Variants in SALL3 observed in about 807,000 individuals in gnomAD.
The protein encoded by SALL3 is spalt like transcription factor 3, also known as sal-like protein 3.
SALL3 carries 25 observed loss-of-function variants against 66.2 expected under a neutral mutation model. The observed-to-expected ratio is 0.38, with a 90% CI of 0.28 to 0.53. The LOEUF (loss-of-function observed/expected upper bound fraction) is 0.53, where lower values mean the gene tolerates loss of function less well. SALL3 is among the 20% of genes least tolerant of loss of function. SALL3 has a pLI of 0.85. For missense variants in SALL3, 2,194 were observed against 1,916.5 expected (o/e 1.14, Z -2.70); for synonymous variants, 1,152 against 899.1 (o/e 1.28, Z -5.03).
At chr18:78,984,752 T>C (rs1040912326) in intron 1 of SALL3, among the ~76,000 whole-genome samples, 7 of 152,220 alleles carry the variant, frequency 4.6e-5, no homozygotes, top group Admixed American at 1.3e-4. Context: ...ATATTAATTG[T>C]AATAAAATAA....
In SALL3 at chr18:78,993,458, C is replaced by T; in HGVS notation, c.1467C>T (p.Asp489=). Residue 489 remains aspartate (D), a synonymous_variant, in exon 2 of 3, where the codon GAC becomes GAT. Transcript: ENST00000537592. ...MNPYPVPEYL[D]NVPTCSGIPY... is the part of the protein sequence containing the mutation. The stretch of plus-strand genomic sequence containing the variant: ...CTTACCCGGTCCCCGAGTACCTGGA[C>T]AACGTGCCCACCTGCTCGGGCATCC... The T allele has an allele frequency of 6.2e-7, 1 of 1,612,966 alleles. No individual in the cohort carries two copies. The highest frequency in any genetic ancestry group is 8.5e-7 in the Non-Finnish European group (1 of 1,179,990).
intron 1 of SALL3, among the ~76,000 whole-genome samples, chr18:78,986,992 TC>T (rs1444851161): frequency 9.2e-5 from 14 of 152,206 alleles, no homozygotes; most frequent in Admixed American, 9.2e-4. Context: ...GTTATATATT[TC>T]ATACACAAAA....
chr18:78,984,955 CTTCGCA>C (rs1239046681), intron 1 of SALL3: 3 of 152,248 alleles, frequency 2.0e-5, no homozygotes, highest in Non-Finnish European at 4.4e-5. Flanking sequence ...TCCCTACCCC[CTTCGCA>C]TTCTCTGCGA....
In SALL3 at chr18:78,994,494, T is replaced by G. The variant is rs1395041500; in HGVS notation, c.2503T>G (p.Ser835Ala). The part of the protein sequence containing the change: ...YAGSCPPSPP[S>A]VISSIAALEN... ...GGGGTCCTGCCCGCCCTCCCCGCCCTCGGTCATCTCCAGCATTGCCGCCCT... is the reference window on the plus strand; with the variant it reads ...GGGGTCCTGCCCGCCCTCCCCGCCCGCGGTCATCTCCAGCATTGCCGCCCT... The change falls in exon 2 of 3, where the codon TCG becomes GCG. Residue 835 changes from serine to alanine, a missense_variant. By Grantham distance (99) the Ser-to-Ala change is moderately conservative. Coordinates refer to ENST00000537592, the MANE Select transcript of SALL3 (RefSeq NM_171999.4). 4 of 653,348 alleles carry G rather than the reference T, an allele frequency of 6.1e-6. No individual in the cohort carries two copies. Among genetic ancestry groups the G allele is most frequent in the Non-Finnish European group, 9.7e-6 (4 of 414,020 alleles). The allele number at this position is 653,348 out of a possible 1,614,324, so 40.5% of individuals were successfully genotyped here. A position where few individuals can be genotyped will look rare whatever the true frequency, so the allele number is the denominator to read the frequency against.
Position 78,992,200 on chromosome 18 carries a change from A to T in SALL3, c.209A>T (p.Gln70Leu). The T allele has an allele frequency of 1.2e-6, 2 of 1,610,182 alleles. No homozygotes were observed. The highest frequency in any genetic ancestry group is 1.7e-6 in the Non-Finnish European group (2 of 1,179,190). The stretch of plus-strand genomic sequence containing the variant: ...AAGTGGGCGGACTTCCTGGAGCACC[A>T]GCGGAGCTGCACCAAGCTCCCGCCC... The part of the protein sequence containing the change: ...FFKWADFLEH[Q>L]RSCTKLPPVL... The change falls in exon 2 of 3, where the codon CAG (glutamine) becomes CTG (leucine). Residue 70 changes from glutamine (Q) to leucine (L), a missense_variant. Physicochemically the swap from Gln to Leu is moderately radical, Grantham distance 113. Coordinates refer to ENST00000537592, the MANE Select transcript of SALL3 (RefSeq NM_171999.4).
At chr18:78,981,091 C>A (rs1369408326) in intron 1 of SALL3, among the ~76,000 whole-genome samples, 2 of 152,226 alleles carry the variant, frequency 1.3e-5, no homozygotes, top group Non-Finnish European at 2.9e-5. Context: ...GAGACCTCGG[C>A]TTTGCAGTCA....
In SALL3 at chr18:78,994,571, C is replaced by A. The variant is rs774562749; in HGVS notation, c.2580C>A (p.Thr860=). The A allele has an allele frequency of 2.1e-5, 34 of 1,611,734 alleles. No individual in the cohort carries two copies. The highest frequency in any genetic ancestry group is 2.9e-5 in the Non-Finnish European group (34 of 1,179,450). Residue 860 remains threonine (T), a synonymous_variant, in exon 2 of 3, where the codon ACC becomes ACA. Coordinates refer to ENST00000537592, the MANE Select transcript of SALL3 (RefSeq NM_171999.4). ...CGGTCATGAGCTGCCAGCAGCTGAC[C>A]GGCCTCAAGTCCGTGGAGAACGGGT... The part of the protein sequence containing the change: ...IDSVMSCQQL[T]GLKSVENGSG...
At position 78,997,636 on chromosome 18, in the gene SALL3, G is replaced by T; in HGVS notation, c.*314G>T. ...TCCTGAAACCTAATAATCTCTCCGA[G>T]GGAGAAAGGGGTTCTCTGCGGTATT... On this transcript the variant is annotated 3_prime_UTR_variant, in exon 3 of 3. Coordinates refer to ENST00000537592, the MANE Select transcript of SALL3 (RefSeq NM_171999.4). 2.6e-6 allele frequency: 1 copy of T among 380,750 alleles called. No individual in the cohort carries two copies. The highest frequency in any genetic ancestry group is 4.7e-6 in the Non-Finnish European group (1 of 212,914). The allele number at this position is 380,750 out of a possible 1,614,324, so 23.6% of individuals were successfully genotyped here. A position where few individuals can be genotyped will look rare whatever the true frequency, so the allele number is the denominator to read the frequency against.
chr18:78,992,549 C>A lies in SALL3; in HGVS notation c.558C>A (p.Arg186=). The A allele has an allele frequency of 6.7e-7, 1 of 1,497,988 alleles. No homozygotes were observed. Among genetic ancestry groups the A allele is most frequent in the Non-Finnish European group, 8.8e-7 (1 of 1,130,874 alleles). The allele number at this position is 1,497,988 out of a possible 1,614,324, so 92.8% of individuals were successfully genotyped here. The change falls in exon 2 of 3, where the codon CGC becomes CGA. Residue 186 remains arginine, a synonymous_variant. Coordinates refer to ENST00000537592, the MANE Select transcript of SALL3 (RefSeq NM_171999.4). ...TGGCGCAGTTCTCGCAGGGCGCGCG[C>A]GCGGCAGGCGGCTCGGGAGCAGGTG... The part of the protein sequence containing the change: ...VAVAQFSQGA[R]AAGGSGAGGG...
Position 78,993,701 on chromosome 18 carries a change from CAACCACGTGGAG to C in SALL3, c.1711_1722del (p.Asn571_Glu574del), listed in dbSNP as rs1914562598. 2 of 1,572,416 alleles carry C rather than the reference CAACCACGTGGAG, an allele frequency of 1.3e-6. No individual in the cohort carries two copies. Among genetic ancestry groups the C allele is most frequent in the East Asian group, 4.5e-5 (2 of 44,180 alleles). On this transcript the variant is annotated inframe_deletion, in exon 2 of 3. Coordinates refer to ENST00000537592, the MANE Select transcript of SALL3 (RefSeq NM_171999.4). ...AGTGCGCCTCCTTGTCCCCAGGCCT[CAACCACGTGGAG>C]TCCGGCGTGTCGGCCACCGCCGAGT...
chr18:78,997,675 T>C lies in SALL3; in HGVS notation c.*353T>C. The C allele has an allele frequency of 3.5e-6, 1 of 285,506 alleles. No homozygotes were observed. Among genetic ancestry groups the C allele is most frequent in the Non-Finnish European group, 6.6e-6 (1 of 152,628 alleles). The allele number at this position is 285,506 out of a possible 1,614,324, so 17.7% of individuals were successfully genotyped here. ...CTCTGCGGTATTCCAGTGAAACTCA[T>C]TTGATGGTTTCTTTTGAATTAGTTA... On this transcript the variant is annotated 3_prime_UTR_variant, in exon 3 of 3. Transcript: ENST00000537592.
chr18:78,992,453 C>T lies in SALL3; in HGVS notation c.462C>T (p.Pro154=). 1 of 1,430,718 alleles carries T rather than the reference C, an allele frequency of 7.0e-7. No individual in the cohort carries two copies. Among genetic ancestry groups the T allele is most frequent in the Non-Finnish European group, 9.1e-7 (1 of 1,096,882 alleles). 88.6% of individuals were successfully genotyped at this position (1,430,718 alleles called of 1,614,324 possible). ...APRPPPAAPA[P]PTPAYGAPST... is the part of the protein sequence containing the mutation. ...GGCCCCCGCCTGCGGCCCCTGCACC[C>T]CCAACGCCCGCCTACGGCGCGCCCA... Residue 154 remains proline, a synonymous_variant, in exon 2 of 3, where the codon CCC becomes CCT. Transcript: ENST00000537592.
rs1386194592 is a variant in SALL3 at position 78,980,039 on chromosome 18, C to A, written c.-236C>A. Among the ~76,000 whole-genome samples, 2 of 145,936 alleles carry A rather than the reference C, an allele frequency of 1.4e-5. No individual in the cohort carries two copies. Among genetic ancestry groups the A allele is most frequent in the African/African-American group, 2.5e-5 (1 of 40,722 alleles). ...CGTCGGCGCGGCCGCTAATTGCGAG[C>A]GCGGCCTCATTTGCATAGGCCGCCG... On this transcript the variant is annotated 5_prime_UTR_variant, in exon 1 of 3. Transcript: ENST00000537592.
intron 1 of SALL3, among the ~76,000 whole-genome samples, chr18:78,980,559 T>C (rs1914005456): frequency 6.6e-6 from 1 of 151,576 alleles, no homozygotes; most frequent in Non-Finnish European, 1.5e-5. Context: ...GAGAGAGTTG[T>C]GGGCGAAGTA....
rs1914507988 is a variant in SALL3, at chr18:78,992,906, T to TGCGGAGCCCAGCGCGCCCGCCGCCCCC, written c.916_942dup (p.Ala306_Pro314dup). 32 of 986,066 alleles carry TGCGGAGCCCAGCGCGCCCGCCGCCCCC rather than the reference T, an allele frequency of 3.2e-5. No individual in the cohort carries two copies. The highest frequency in any genetic ancestry group is 3.7e-5 in the Non-Finnish European group (31 of 832,336). 61.1% of individuals were successfully genotyped at this position (986,066 alleles called of 1,614,324 possible). A position where few individuals can be genotyped will look rare whatever the true frequency, so the allele number is the denominator to read the frequency against. On this transcript the variant is annotated inframe_insertion, in exon 2 of 3. Transcript: ENST00000537592. ...CTGGCGCCAGCACCCCCGGCGGCCC[T>TGCGGAGCCCAGCGCGCCCGCCGCCCCC]GCGGAGCCCAGCGCGCCCGCCGCCC...
rs61155970 is a variant in SALL3, at chr18:78,983,436, A to G, written c.82+3080A>G. Among the ~76,000 whole-genome samples, 1,416 of 152,362 alleles carry G rather than the reference A, an allele frequency of 9.3e-3. 19 individuals are homozygous for G. Among genetic ancestry groups the G allele is most frequent in the African/African-American group, 0.032 (1,315 of 41,580 alleles). On this transcript the variant is annotated intron_variant, in intron 1 of 2. Coordinates refer to ENST00000537592, the MANE Select transcript of SALL3 (RefSeq NM_171999.4). ...GTTGTTGTTAGAAAATATGTATTTA[A>G]GAAGGAACAAAAGGGTATTATAATT...
In SALL3 at chr18:78,992,993, G is replaced by C; in HGVS notation, c.1002G>C (p.Ser334=). The C allele has an allele frequency of 4.1e-6, 6 of 1,453,084 alleles. No homozygotes were observed. The highest frequency in any genetic ancestry group is 5.4e-6 in the Non-Finnish European group (6 of 1,112,560). The allele number at this position is 1,453,084 out of a possible 1,614,324, so 90.0% of individuals were successfully genotyped here. Residue 334 remains serine, a synonymous_variant, in exon 2 of 3, where the codon TCG becomes TCC. Coordinates refer to ENST00000537592, the MANE Select transcript of SALL3 (RefSeq NM_171999.4). ...APAPAPQSAA[S]SQPQSASTPP... ...CGCCAGCGCCGCAGAGCGCAGCCTCGTCGCAGCCGCAGAGCGCATCCACGC... is the reference window on the plus strand; with the variant it reads ...CGCCAGCGCCGCAGAGCGCAGCCTCCTCGCAGCCGCAGAGCGCATCCACGC...
In SALL3 at chr18:78,992,892, AC is replaced by A. The variant is rs1424702195; in HGVS notation, c.906del (p.Gly303AlafsTer92). On this transcript the variant is annotated frameshift_variant, in exon 2 of 3. Coordinates refer to ENST00000537592, the MANE Select transcript of SALL3 (RefSeq NM_171999.4). LOFTEE classifies it high-confidence loss of function. ...PLSRPESGAS[T>X]PGGPAEPSAP... Reference sequence around the variant, plus strand: ...GTCCCGGCCCGAGTCTGGCGCCAGCACCCCCGGCGGCCCTGCGGAGCCCAGC... The same window carrying A: ...GTCCCGGCCCGAGTCTGGCGCCAGCACCCCGGCGGCCCTGCGGAGCCCAGC... 4 of 983,700 alleles carry A rather than the reference AC, an allele frequency of 4.1e-6. No homozygotes were observed. The highest frequency in any genetic ancestry group is 8.9e-5 in the South Asian group (2 of 22,462). The allele number at this position is 983,700 out of a possible 1,614,324, so 60.9% of individuals were successfully genotyped here. A position where few individuals can be genotyped will look rare whatever the true frequency, so the allele number is the denominator to read the frequency against.
At position 78,997,129 on chromosome 18, in the gene SALL3, G is replaced by A. The variant is rs758452722; in HGVS notation, c.3710G>A (p.Gly1237Asp). The A allele has an allele frequency of 1.9e-6, 3 of 1,614,064 alleles. No individual in the cohort carries two copies. The South Asian group carries it at 3.3e-5, about 18-fold the overall frequency. Reference protein sequence around the residue: ...NNEISVIQNGGIPQLPVSLGG... With the variant: ...NNEISVIQNGDIPQLPVSLGG... ...GAGATCTCCGTCATCCAGAACGGCG[G>A]CATCCCCCAGCTCCCCGTGAGTCTT... The change falls in exon 3 of 3, where the codon GGC (glycine) becomes GAC (aspartate). Residue 1237 changes from glycine (G) to aspartate (D), a missense_variant. Physicochemically the swap from Gly to Asp is moderately conservative, Grantham distance 94. Coordinates refer to ENST00000537592, the MANE Select transcript of SALL3 (RefSeq NM_171999.4).
Sources: allele counts gnomAD v4.1 joint callset (sites outside exome capture counted in the v4.1 genomes callset), GRCh38; gene constraint gnomAD v4.1.1; transcripts MANE v1.5; gene names NCBI Gene and HGNC (gene_info 2026-07-23, HGNC 2026-07-21).